DIAPH1: variants seen among roughly 807,000 people sequenced by gnomAD.
The protein encoded by DIAPH1 is protein diaphanous homolog 1.
In DIAPH1, 46 loss-of-function variants were observed where a neutral mutation model predicts 140.7. That is an observed-to-expected ratio of 0.33 (90% CI 0.26 to 0.42). The LOEUF (loss-of-function observed/expected upper bound fraction) is 0.42. Ranked by LOEUF, DIAPH1 falls within the 10% of genes least tolerant of loss-of-function variation. The probability of loss-of-function intolerance (pLI) is 1.00; values close to 1 mark genes in which losing one functional copy is unlikely to be tolerated. For missense variants in DIAPH1, 1,310 were observed against 1,558.7 expected, an observed-to-expected ratio of 0.84 and a Z score of 2.69; for synonymous variants, 565 against 551.6, an observed-to-expected ratio of 1.02 and a Z score of -0.34.
chr5:141,552,996 T>G (rs976105534), intron 18 of DIAPH1, among the ~76,000 whole-genome samples: 1 of 152,146 alleles, frequency 6.6e-6, no homozygotes, highest in African/African-American at 2.4e-5. Flanking sequence ...TATCAAGACT[T>G]AAGGGATGTG....
At chr5:141,601,148 G>A (rs2099900087) in intron 1 of DIAPH1, among the ~76,000 whole-genome samples, 1 of 151,370 alleles carries the variant, frequency 6.6e-6, no homozygotes, top group African/African-American at 2.4e-5. Flanking sequence ...AACGGGTGCA[G>A]CACACCAACA....
intron 1 of DIAPH1, among the ~76,000 whole-genome samples, chr5:141,591,986 GC>G (rs1318843276): frequency 6.7e-6 from 1 of 150,218 alleles, no homozygotes; most frequent in African/African-American, 2.5e-5. Flanking sequence ...GGAGGCCGAG[GC>G]AGGAGAATCA....
intron 12 of DIAPH1, 65 bp from the exon 13 acceptor site, chr5:141,576,936 G>A (rs942270635): frequency 1.9e-6 from 2 of 1,064,474 alleles, no homozygotes; most frequent in Non-Finnish European, 2.9e-6. Flanking sequence ...AAGTATTCAG[G>A]ACCAAGAAAA....
chr5:141,586,945 T>C (rs2099897640), intron 3 of DIAPH1, 97 bp downstream of exon 3: 1 of 1,301,302 alleles, frequency 7.7e-7, no homozygotes, highest in East Asian at 2.3e-5. Flanking sequence ...TGGAATTCTT[T>C]GTAATAAAGG....
At chr5:141,568,682 G>A (rs538074485) in intron 18 of DIAPH1, among the ~76,000 whole-genome samples, 2 of 152,304 alleles carry the variant, frequency 1.3e-5, no homozygotes, top group East Asian at 1.9e-4. Flanking sequence ...AATGTGCAGA[G>A]TGAGGCAGGT....
intron 19 of DIAPH1, 27 bp downstream of exon 19, chr5:141,534,308 G>C (rs1449260270): frequency 6.6e-7 from 1 of 1,523,060 alleles, no homozygotes; most frequent in Non-Finnish European, 9.1e-7. Context: ...TTCACATTTT[G>C]AATAGTTGGG....
At chr5:141,609,991 T>C (rs2099901552) in intron 1 of DIAPH1, among the ~76,000 whole-genome samples, 1 of 152,166 alleles carries the variant, frequency 6.6e-6, no homozygotes, top group Non-Finnish European at 1.5e-5. Flanking sequence ...GCTAAATCTA[T>C]ACAAGTTCTA....
intron 18 of DIAPH1, among the ~76,000 whole-genome samples, chr5:141,552,397 A>C (rs753119298): frequency 2.6e-5 from 4 of 152,180 alleles, no homozygotes; most frequent in Non-Finnish European, 5.9e-5. Context: ...CCAGAGTCAG[A>C]GAGGACATGT....
chr5:141,525,220 C>G (rs1460538023), intron 26 of DIAPH1, among the ~76,000 whole-genome samples: 1 of 152,062 alleles, frequency 6.6e-6, no homozygotes, highest in African/African-American at 2.4e-5. Flanking sequence ...TCAGAGCAGC[C>G]CTTGTGCCTG....
Position 141,527,669 on chromosome 5 carries a change from T to C in DIAPH1, c.3177A>G (p.Leu1059=). The change falls in exon 24 of 28, where the codon CTA becomes CTG. Residue 1059 remains leucine, a synonymous_variant. Coordinates refer to ENST00000389054, the MANE Select transcript of DIAPH1 (RefSeq NM_005219.5). The stretch of plus-strand genomic sequence containing the variant: ...CAGAAATTTGTTTCTTCATCTGATC[T>C]AGGTTCTTTTGCAAGTTTTCAGCAG... ...RVSAENLQKN[L]DQMKKQISDV... is the part of the protein sequence containing the mutation. 1 of 1,587,114 alleles carries C rather than the reference T, an allele frequency of 6.3e-7. No individual in the cohort carries two copies. Among genetic ancestry groups the C allele is most frequent in the Non-Finnish European group, 8.5e-7 (1 of 1,170,520 alleles).
intron 1 of DIAPH1, among the ~76,000 whole-genome samples, chr5:141,597,519 A>T (rs547264340): frequency 1.1e-4 from 17 of 152,350 alleles, no homozygotes; most frequent in African/African-American, 3.8e-4. Context: ...ATGCTCCACC[A>T]AAATGAGGAT....
chr5:141,573,799 C>T lies in DIAPH1; in HGVS notation c.2051G>A (p.Ser684Asn). Residue 684 changes from serine (S) to asparagine (N), a missense_variant, in exon 16 of 28, where the codon AGT becomes AAT. This residue lies in a region of DIAPH1 where 589 missense variants were observed against 549.3 expected (regional missense o/e 1.07). Transcript: ENST00000389054. ...AGGTGGTGGTGGGGGGATTCTAGCA[C>T]TCCCAGGCAAAGGAGGAGGTGGGGG... is the stretch of plus-strand genomic sequence containing the variant. ...AIPPPPPLPG[S>N]ARIPPPPPPL... 6.7e-7 allele frequency: 1 copy of T among 1,491,688 alleles called. No individual in the cohort carries two copies. Among genetic ancestry groups the T allele is most frequent in the Non-Finnish European group, 9.0e-7 (1 of 1,113,944 alleles). 92.4% of individuals were successfully genotyped at this position (1,491,688 alleles called of 1,614,324 possible).
chr5:141,556,523 AG>A (rs928519124), intron 18 of DIAPH1, among the ~76,000 whole-genome samples: 2 of 152,120 alleles, frequency 1.3e-5, no homozygotes, highest in African/African-American at 2.4e-5. Context: ...TCAGGAGAAA[AG>A]TAAGAGTCCA....
rs1385953408 is a variant in DIAPH1 at position 141,528,564 on chromosome 5, T to C, written c.3037A>G (p.Thr1013Ala). Residue 1013 changes from threonine to alanine, a missense_variant, in exon 23 of 28, where the codon ACA (threonine) becomes GCA (alanine). By Grantham distance (58) the Thr-to-Ala change is moderately conservative. Transcript: ENST00000389054. ...FLCKLRDTKS[T>A]DQKMTLLHFL... ...TGTAACAACGTCATCTTCTGATCTG[T>C]GGACTTGGTGTCTCGAAGCTTAGAG... The C allele has an allele frequency of 1.2e-6, 2 of 1,614,206 alleles. No homozygotes were observed. Among genetic ancestry groups the C allele is most frequent in the South Asian group, 2.2e-5 (2 of 91,086 alleles).
intron 18 of DIAPH1, chr5:141,561,762 A>T (rs959013933): frequency 6.6e-6 from 1 of 152,222 alleles, no homozygotes; most frequent in African/African-American, 2.4e-5. Context: ...TTTTCCCACC[A>T]AACACTGAAT....
intron 18 of DIAPH1, among the ~76,000 whole-genome samples, chr5:141,554,504 C>A (rs2099892255): frequency 6.9e-6 from 1 of 145,638 alleles, no homozygotes; most frequent in Non-Finnish European, 1.5e-5. Flanking sequence ...ATAATTCCAC[C>A]AATTTTACGC....
At position 141,555,991 on chromosome 5, in the gene DIAPH1, G is replaced by A. The variant is rs2099892508; in HGVS notation, c.2482+15437C>T. Among the ~76,000 whole-genome samples, 3 of 152,124 alleles carry A rather than the reference G, an allele frequency of 2.0e-5. No individual in the cohort carries two copies. In the South Asian group the frequency reaches 6.2e-4, roughly 31 times the overall value. On this transcript the variant is annotated intron_variant, in intron 18 of 27. Coordinates refer to ENST00000389054, the MANE Select transcript of DIAPH1 (RefSeq NM_005219.5). Reference sequence around the variant, plus strand: ...CCCTGCTAATTCCCTTCTATCACCTGTGCCCTTCCCTTGGGCAAGGGAATA... The same window carrying A: ...CCCTGCTAATTCCCTTCTATCACCTATGCCCTTCCCTTGGGCAAGGGAATA...
At chr5:141,523,651 A>C (rs1478531674) in intron 27 of DIAPH1, among the ~76,000 whole-genome samples, 1 of 151,836 alleles carries the variant, frequency 6.6e-6, no homozygotes, top group Non-Finnish European at 1.5e-5. Flanking sequence ...ATGCTCCTCT[A>C]TATTTTTCTA....
At chr5:141,566,089 A>G (rs72792308) in intron 18 of DIAPH1, among the ~76,000 whole-genome samples, 7,672 of 151,980 alleles carry the variant, frequency 0.05, 268 homozygotes, top group African/African-American at 0.094. Context: ...GTCATCAGAA[A>G]GTGAAGGACA....
Sources: gnomAD v4.1 joint callset for allele counts (sites outside exome capture counted in the v4.1 genomes callset) on GRCh38, gnomAD v4.1.1 for gene constraint, gnomAD v4.1.1 regional missense constraint, MANE v1.5 for transcripts, NCBI Gene and HGNC (gene_info 2026-07-23, HGNC 2026-07-21) for gene names.